PRKDC: variants seen among roughly 807,000 people sequenced by gnomAD.
The protein encoded by PRKDC is DNA-dependent protein kinase catalytic subunit.
Under a neutral mutation model 486.9 loss-of-function variants are expected in PRKDC, and 82 were observed. The ratio of observed to expected loss-of-function variants is 0.17; its 90% confidence interval spans 0.14 to 0.20. The LOEUF is 0.20. PRKDC is among the 10% of genes least tolerant of loss of function. The pLI is 1.00. For missense variants in PRKDC, 4,504 were observed against 5,038.2 expected (o/e 0.89, Z 3.21); for synonymous variants, 1,895 against 1,837.0 (o/e 1.03, Z -0.81).
At chr8:47,859,201 C>T (rs2088616734) in intron 46 of PRKDC, among the ~76,000 whole-genome samples, 3 of 152,186 alleles carry the variant, frequency 2.0e-5, no homozygotes, top group South Asian at 2.1e-4. Flanking sequence ...GTCCCCGTCC[C>T]GTCTGCCCAG....
At chr8:47,830,893 G>C (rs2087852510) in intron 60 of PRKDC, among the ~76,000 whole-genome samples, 157 bp from the exon 61 acceptor site, 2 of 152,048 alleles carry the variant, frequency 1.3e-5, no homozygotes, top group Non-Finnish European at 2.9e-5. Context: ...TACCGTCTAG[G>C]GCAAACACTG....
intron 24 of PRKDC, among the ~76,000 whole-genome samples, chr8:47,913,566 T>C (rs2089941084): frequency 1.3e-5 from 2 of 152,172 alleles, no homozygotes; most frequent in South Asian, 4.1e-4. Flanking sequence ...CTAATTTTTG[T>C]ATTTTTAGTA....
intron 29 of PRKDC, 46 bp downstream of exon 29, chr8:47,898,424 G>C (rs372880935): frequency 3.0e-5 from 44 of 1,444,960 alleles, no homozygotes; most frequent in Non-Finnish European, 3.8e-5. Flanking sequence ...CTGTGAATTA[G>C]TTTTATGTTG....
intron 40 of PRKDC, among the ~76,000 whole-genome samples, chr8:47,872,727 G>C (rs1411945952): frequency 1.3e-5 from 2 of 152,104 alleles, no homozygotes; most frequent in Non-Finnish European, 2.9e-5. Flanking sequence ...GGTCAATTCA[G>C]CAAGAGGATA....
At chr8:47,955,461 CAAAAA>C (rs746883720) in intron 4 of PRKDC, among the ~76,000 whole-genome samples, 1 of 18,536 alleles carries the variant, frequency 5.4e-5, no homozygotes, top group South Asian at 1.4e-3. Context: ...GACTCCGTCT[CAAAAA>C]AAAAAAAAAA....
At chr8:47,783,619 G>T in intron 78 of PRKDC, 123 bp downstream of exon 78, 3 of 938,314 alleles carry the variant, frequency 3.2e-6, no homozygotes, top group Non-Finnish European at 3.2e-6. Flanking sequence ...CAGTAAATAT[G>T]CTAAACTTGA....
intron 74 of PRKDC, among the ~76,000 whole-genome samples, chr8:47,790,918 AGAT>A (rs1036450189): frequency 6.6e-6 from 1 of 152,218 alleles, no homozygotes; most frequent in Non-Finnish European, 1.5e-5. Context: ...AAATCCAAAT[AGAT>A]TAAAGACTTA....
chr8:47,858,262 T>C (rs1349178817), intron 48 of PRKDC, among the ~76,000 whole-genome samples: 1 of 151,520 alleles, frequency 6.6e-6, no homozygotes, highest in Non-Finnish European at 1.5e-5. Flanking sequence ...ATGTACTTTA[T>C]ACAAAGACCA....
chr8:47,863,230 C>A (rs1161317357), intron 42 of PRKDC, among the ~76,000 whole-genome samples, 169 bp downstream of exon 42: 2 of 152,112 alleles, frequency 1.3e-5, no homozygotes, highest in East Asian at 3.9e-4. Flanking sequence ...ATCCAATACA[C>A]CCTAAATTAA....
intron 21 of PRKDC, among the ~76,000 whole-genome samples, chr8:47,926,098 T>A (rs555519406): frequency 1.3e-5 from 2 of 152,204 alleles, no homozygotes; most frequent in South Asian, 4.1e-4. Context: ...TTAACAGAAC[T>A]CAAAAAAGAA....
At chr8:47,951,678 C>T (rs2090627087) in intron 7 of PRKDC, among the ~76,000 whole-genome samples, 1 of 151,932 alleles carries the variant, frequency 6.6e-6, no homozygotes, top group African/African-American at 2.4e-5. Flanking sequence ...TGAGCCACTG[C>T]TCTCCAGCCT....
chr8:47,905,977 T>C (rs1488456421), intron 25 of PRKDC, among the ~76,000 whole-genome samples: 1 of 152,124 alleles, frequency 6.6e-6, no homozygotes, highest in East Asian at 1.9e-4. Context: ...CATGTGGCCA[T>C]CTTGGAGCAA....
chr8:47,896,282 T>G (rs2089578861), intron 30 of PRKDC, among the ~76,000 whole-genome samples: 2 of 152,062 alleles, frequency 1.3e-5, no homozygotes. Context: ...AAAGTCCTTT[T>G]TAGTTTTAGA....
chr8:47,886,113 G>T lies in PRKDC; in HGVS notation c.4607C>A (p.Ala1536Glu). Residue 1536 changes from alanine to glutamate, a missense_variant, in exon 36 of 86, where the codon GCG (alanine) becomes GAG (glutamate). Ala to Glu is a moderately radical substitution (Grantham distance 107, BLOSUM62 -1). Around this residue, in one of 6 missense-constraint regions of PRKDC, gnomAD observed 1,969 missense variants for 2,068.9 expected, o/e 0.95. Coordinates refer to ENST00000314191, the MANE Select transcript of PRKDC (RefSeq NM_006904.7). ...ERLVSLLLNP[A>E]VLSTASLGSS... is the part of the protein sequence containing the mutation. ...GCCCAAGGACGCCGTGGACAGCACC[G>T]CTGGGTTCAGGAGAAGACTCACAAG... 4 of 1,612,726 alleles carry T rather than the reference G, an allele frequency of 2.5e-6. No homozygotes were observed. Among genetic ancestry groups the T allele is most frequent in the Non-Finnish European group, 3.4e-6 (4 of 1,179,588 alleles).
Position 47,900,351 on chromosome 8 carries a change from A to G in PRKDC, c.3364+22T>C, listed in dbSNP as rs749804556. The G allele has an allele frequency of 4.4e-6, 7 of 1,577,222 alleles. No homozygotes were observed. In the Admixed American group the frequency reaches 9.1e-5, roughly 21 times the overall value. On this transcript the variant is annotated intron_variant, in intron 28 of 85. Coordinates refer to ENST00000314191, the MANE Select transcript of PRKDC (RefSeq NM_006904.7). ...AACTCTTCAGACCTGTAACGCACAC[A>G]GAACACTGAAGCAAAACGTACCTAA...
chr8:47,911,029 A>G (rs1025994774), intron 25 of PRKDC, among the ~76,000 whole-genome samples: 3 of 152,208 alleles, frequency 2.0e-5, no homozygotes, highest in African/African-American at 2.4e-5. Context: ...GGCCTTCCAG[A>G]TTTTGAAAAC....
chr8:47,907,352 G>T (rs371157401), intron 25 of PRKDC, among the ~76,000 whole-genome samples: 115 of 146,214 alleles, frequency 7.9e-4, no homozygotes, highest in African/African-American at 2.8e-3. Flanking sequence ...GAATCATACT[G>T]TTTTATTCTT....
At chr8:47,956,133 T>G (rs912420863) in intron 3 of PRKDC, among the ~76,000 whole-genome samples, 185 bp from the exon 4 acceptor site, 2 of 151,544 alleles carry the variant, frequency 1.3e-5, no homozygotes, top group Non-Finnish European at 2.9e-5. Flanking sequence ...GAGGCGGAGG[T>G]AGGCGATCAC....
rs2088594012 is a variant in PRKDC at position 47,858,396 on chromosome 8, T to A, written c.6465+120A>T. 8.2e-6 allele frequency: 8 copies of A among 980,474 alleles called. No individual in the cohort carries two copies. In the South Asian group the frequency reaches 1.6e-4, roughly 20 times the overall value. The allele number at this position is 980,474 out of a possible 1,614,324, so 60.7% of individuals were successfully genotyped here. A position where few individuals can be genotyped will look rare whatever the true frequency, so the allele number is the denominator to read the frequency against. On this transcript the variant is annotated intron_variant, in intron 48 of 85. Coordinates refer to ENST00000314191, the MANE Select transcript of PRKDC (RefSeq NM_006904.7). ...AATGTCATGCTCTGCCCCTTTATAT[T>A]TTCCTTTTTTGTGTGTGTTTTTAAG...
Sources: allele counts gnomAD v4.1 joint callset (sites outside exome capture counted in the v4.1 genomes callset), GRCh38; gene constraint gnomAD v4.1.1; regional missense constraint gnomAD v4.1.1; transcripts MANE v1.5; gene names NCBI Gene and HGNC (gene_info 2026-07-23, HGNC 2026-07-21).